The following TMEM59 variants were observed in gnomAD, a reference collection of about 807,000 sequenced individuals.
TMEM59 encodes transmembrane protein 59, also known as dendritic cell factor 1.
A neutral mutation model predicts 42.2 loss-of-function variants in TMEM59; 44 were observed. The ratio of observed to expected loss-of-function variants is 1.04; its 90% confidence interval spans 0.82 to 1.34. The LOEUF is 1.34. Among genes scored for constraint, TMEM59 ranks in the 40% most tolerant of loss-of-function variants. The probability of loss-of-function intolerance (pLI) is 0.00; values close to 1 mark genes in which losing one functional copy is unlikely to be tolerated. For missense variants in TMEM59, 359 were observed against 382.8 expected (o/e 0.94, Z 0.52); for synonymous variants, 148 against 145.8 (o/e 1.02, Z -0.11).
In TMEM59 at chr1:54,040,789, C is replaced by T; in HGVS notation, c.674G>A (p.Gly225Glu). The T allele has an allele frequency of 6.2e-7, 1 of 1,613,824 alleles. No individual in the cohort carries two copies. The part of the protein sequence containing the change: ...SQAHRNFLED[G>E]ESDGFLRCLS... ...GCATCTTAAAAAGCCATCACTTTCT[C>T]CATCTTCAAGAAAATTCCTGTGCGC... Residue 225 changes from glycine (G) to glutamate (E), a missense_variant, in exon 6 of 8, where the codon GGA becomes GAA. Gly to Glu is a moderately conservative substitution (Grantham distance 98, BLOSUM62 -2). Coordinates refer to ENST00000234831, the MANE Select transcript of TMEM59 (RefSeq NM_004872.5).
At chr1:54,032,737 A>G (rs951569808) in intron 7 of TMEM59, among the ~76,000 whole-genome samples, 9 of 152,248 alleles carry the variant, frequency 5.9e-5, no homozygotes, top group Non-Finnish European at 1.0e-4. Flanking sequence ...TCTCACACTG[A>G]TAGAAGGGTC....
Position 54,045,775 on chromosome 1 carries a change from C to A in TMEM59, c.307G>T (p.Ala103Ser), listed in dbSNP as rs780439644. The change falls in exon 3 of 8, where the codon GCA (alanine) becomes TCA (serine). Residue 103 changes from alanine to serine, a missense_variant. Transcript: ENST00000234831. ...TATTGCTCATCAGATTGGGAATATG[C>A]TTCTGTACATGCTGTAAGAGAAAAA... is the stretch of plus-strand genomic sequence containing the variant. ...KLECESACTEAYSQSDEQYAC... is the reference protein window; with the variant it reads ...KLECESACTESYSQSDEQYAC... 1.2e-6 allele frequency: 2 copies of A among 1,613,260 alleles called. No individual in the cohort carries two copies. The highest frequency in any genetic ancestry group is 2.7e-5 in the African/African-American group (2 of 74,862).
rs564839454 is a variant in TMEM59, at chr1:54,047,582, A to G, written c.190-210T>C. On this transcript the variant is annotated intron_variant, in intron 1 of 7. Coordinates refer to ENST00000234831, the MANE Select transcript of TMEM59 (RefSeq NM_004872.5). ...GTTCCTTATTTTAAAAGTGATACGA[A>G]GAAAAAAGCCTAGTAGGTAAAACCA... 1.3e-5 allele frequency: 6 copies of G among 474,084 alleles called. No homozygotes were observed. In the South Asian group the frequency reaches 1.8e-4, roughly 14 times the overall value. The allele number at this position is 474,084 out of a possible 1,614,324, so 29.4% of individuals were successfully genotyped here. A position where few individuals can be genotyped will look rare whatever the true frequency, so the allele number is the denominator to read the frequency against.
intron 1 of TMEM59, among the ~76,000 whole-genome samples, chr1:54,051,406 G>A (rs991019338): frequency 1.2e-4 from 19 of 152,144 alleles, no homozygotes; most frequent in Non-Finnish European, 2.5e-4. Context: ...AGGACCTATA[G>A]GGAGCCAGAT....
At chr1:54,036,584 C>CTTCAAATG in intron 7 of TMEM59, 26 bp downstream of exon 7, 2 of 1,465,544 alleles carry the variant, frequency 1.4e-6, no homozygotes, top group Non-Finnish European at 1.8e-6. Context: ...AGGGCTCAGT[C>CTTCAAATG]TTCAAATGGT....
rs200790405 is a variant in TMEM59 at position 54,041,806 on chromosome 1, C to T, written c.544-1G>A. On this transcript the variant is annotated splice_acceptor_variant, in intron 4 of 7. Coordinates refer to ENST00000234831, the MANE Select transcript of TMEM59 (RefSeq NM_004872.5). LOFTEE classifies it high-confidence loss of function. ...GTGCGTACTGGATTTCTGGCTTAGA[C>T]TAAAATAATAATGAAAGCAATTAAG... is the stretch of plus-strand genomic sequence containing the variant. 413 of 1,610,614 alleles carry T rather than the reference C, an allele frequency of 2.6e-4. No individual in the cohort carries two copies. Among genetic ancestry groups the T allele is most frequent in the Non-Finnish European group, 4.6e-5 (54 of 1,178,352 alleles).
chr1:54,048,104 G>A (rs541317699), intron 1 of TMEM59: 1 of 152,246 alleles, frequency 6.6e-6, no homozygotes, highest in Non-Finnish European at 1.5e-5. Context: ...GGCTTATCAG[G>A]AAAAGTATCA....
intron 3 of TMEM59, chr1:54,044,671 T>C (rs1376905009): frequency 6.6e-6 from 1 of 151,988 alleles, no homozygotes; most frequent in Non-Finnish European, 1.5e-5. Flanking sequence ...CATATACCTC[T>C]TAACTCAGCA....
chr1:54,028,998 T>C lies in TMEM59; in HGVS notation c.*3152A>G, dbSNP rs907029383. 2.0e-5 allele frequency: 3 copies of C among 152,212 alleles called. No homozygotes were observed. The highest frequency in any genetic ancestry group is 7.2e-5 in the African/African-American group (3 of 41,450). The allele number at this position is 152,212 out of a possible 1,614,324, so 9.4% of individuals were successfully genotyped here. A position where few individuals can be genotyped will look rare whatever the true frequency, so the allele number is the denominator to read the frequency against. ...GATTCCCTACATGTGGACTTGATAT[T>C]TGAGTCCACAAAAATTATAATGGAA... On this transcript the variant is annotated 3_prime_UTR_variant, in exon 8 of 8. Coordinates refer to ENST00000234831, the MANE Select transcript of TMEM59 (RefSeq NM_004872.5).
intron 3 of TMEM59, chr1:54,044,009 G>A (rs1056412286): frequency 8.5e-5 from 13 of 152,090 alleles, no homozygotes; most frequent in Admixed American, 3.3e-4. Context: ...ACAGGGTGAA[G>A]GGAGTATTTA....
chr1:54,047,772 A>T (rs1657393227), intron 1 of TMEM59: 2 of 236,734 alleles, frequency 8.4e-6, no homozygotes, highest in South Asian at 1.0e-4. Context: ...GCCAGCCTGG[A>T]CTATATAGCG....
intron 7 of TMEM59, chr1:54,034,921 C>T (rs954343637): frequency 1.3e-5 from 2 of 152,122 alleles, no homozygotes; most frequent in Non-Finnish European, 2.9e-5. Context: ...CTCTACCTAA[C>T]AATATTTAAA....
intron 7 of TMEM59, among the ~76,000 whole-genome samples, chr1:54,035,826 C>G (rs1431899472): frequency 6.6e-6 from 1 of 152,168 alleles, no homozygotes; most frequent in East Asian, 1.9e-4. Context: ...GTTGCCCAGG[C>G]TGGTCTCAAA....
In TMEM59 at chr1:54,031,537, T is replaced by C. The variant is rs1569928269; in HGVS notation, c.*613A>G. 1 of 152,712 alleles carries C rather than the reference T, an allele frequency of 6.5e-6. No individual in the cohort carries two copies. The highest frequency in any genetic ancestry group is 2.4e-5 in the African/African-American group (1 of 41,552). The allele number at this position is 152,712 out of a possible 1,614,324, so 9.5% of individuals were successfully genotyped here. On this transcript the variant is annotated 3_prime_UTR_variant, in exon 8 of 8. Coordinates refer to ENST00000234831, the MANE Select transcript of TMEM59 (RefSeq NM_004872.5). ...TCAAATGTACTGCTGAGAGATCAGT[T>C]TTGCATCAAAATGGTCCCTGACCAT...
chr1:54,028,983 A>G lies in TMEM59; in HGVS notation c.*3167T>C, dbSNP rs1366141760. Reference sequence around the variant, plus strand: ...GAAATCTCTGTCAATGATTCCCTACATGTGGACTTGATATTTGAGTCCACA... The same window carrying G: ...GAAATCTCTGTCAATGATTCCCTACGTGTGGACTTGATATTTGAGTCCACA... On this transcript the variant is annotated 3_prime_UTR_variant, in exon 8 of 8. Coordinates refer to ENST00000234831, the MANE Select transcript of TMEM59 (RefSeq NM_004872.5). The G allele has an allele frequency of 9.2e-5, 14 of 152,200 alleles. No individual in the cohort carries two copies. Among genetic ancestry groups the G allele is most frequent in the Admixed American group, 9.2e-4 (14 of 15,276 alleles). The allele number at this position is 152,200 out of a possible 1,614,324, so 9.4% of individuals were successfully genotyped here. A position where few individuals can be genotyped will look rare whatever the true frequency, so the allele number is the denominator to read the frequency against.
chr1:54,049,411 A>G (rs1657453085), intron 1 of TMEM59, among the ~76,000 whole-genome samples: 1 of 152,224 alleles, frequency 6.6e-6, no homozygotes, highest in African/African-American at 2.4e-5. Context: ...GAGCATCCAC[A>G]ATGTGCCAGG....
intron 6 of TMEM59, 87 bp downstream of exon 6, chr1:54,040,669 C>G: frequency 1.0e-6 from 1 of 1,002,616 alleles, no homozygotes; most frequent in Non-Finnish European, 1.5e-6. Flanking sequence ...TTTTGAGGTG[C>G]TAATTTTAAA....
chr1:54,038,017 T>C (rs771608632), intron 6 of TMEM59, among the ~76,000 whole-genome samples: 1 of 152,158 alleles, frequency 6.6e-6, no homozygotes, highest in Non-Finnish European at 1.5e-5. Context: ...CTATCTCCAT[T>C]ATCTCCTGTT....
Position 54,026,944 on chromosome 1 carries a change from T to C in TMEM59, c.*5206A>G, listed in dbSNP as rs1194292917. On this transcript the variant is annotated 3_prime_UTR_variant, in exon 8 of 8. Transcript: ENST00000234831. ...GAGGCAGTAAAATAAGCCCAAATAA[T>C]TGAGAATTGAACAAGAAAACAAAAT... 2.0e-5 allele frequency: 3 copies of C among 152,106 alleles called. No individual in the cohort carries two copies. The highest frequency in any genetic ancestry group is 2.1e-4 in the South Asian group (1 of 4,832). The allele number at this position is 152,106 out of a possible 1,614,324, so 9.4% of individuals were successfully genotyped here. A position where few individuals can be genotyped will look rare whatever the true frequency, so the allele number is the denominator to read the frequency against.
Sources: allele counts gnomAD v4.1 joint callset (sites outside exome capture counted in the v4.1 genomes callset), GRCh38; gene constraint gnomAD v4.1.1; transcripts MANE v1.5; gene names NCBI Gene and HGNC (gene_info 2026-07-23, HGNC 2026-07-21).